Variants in GRB14 observed in about 807,000 individuals in gnomAD.
GRB14 encodes the protein growth factor receptor bound protein 14.
A neutral mutation model predicts 69.1 loss-of-function variants in GRB14; 38 were observed. The ratio of observed to expected loss-of-function variants is 0.55; its 90% confidence interval spans 0.42 to 0.72. The LOEUF (loss-of-function observed/expected upper bound fraction) is 0.72. Ranked by LOEUF, GRB14 falls within the 30% of genes least tolerant of loss-of-function variation. GRB14 has a pLI of 0.00. For synonymous variants in GRB14, 247 were observed against 241.3 expected (o/e 1.02, Z -0.22); for missense variants, 666 against 666.1 (o/e 1.00, Z 0.00).
At chr2:164,593,820 C>G (rs1689723196) in intron 2 of GRB14, among the ~76,000 whole-genome samples, 1 of 151,994 alleles carries the variant, frequency 6.6e-6, no homozygotes, top group South Asian at 2.1e-4. Context: ...GCACAGTTGG[C>G]CACTTGGAAG....
chr2:164,546,214 T>C (rs1688369348), intron 3 of GRB14, among the ~76,000 whole-genome samples: 1 of 152,182 alleles, frequency 6.6e-6, no homozygotes, highest in South Asian at 2.1e-4. Flanking sequence ...GTGGGTAAAT[T>C]ATAAAAATTT....
intron 12 of GRB14, among the ~76,000 whole-genome samples, chr2:164,495,685 G>A (rs532982555): frequency 6.6e-6 from 1 of 152,324 alleles, no homozygotes; most frequent in African/African-American, 2.4e-5. Flanking sequence ...TGTCTGACGA[G>A]TTTATCCATT....
In GRB14 at chr2:164,496,937, G is replaced by A. The variant is rs1233454177; in HGVS notation, c.1382+71C>T. 5.0e-6 allele frequency: 6 copies of A among 1,192,800 alleles called. No homozygotes were observed. The African/African-American group carries it at 7.6e-5, about 15-fold the overall frequency. 73.9% of individuals were successfully genotyped at this position (1,192,800 alleles called of 1,614,324 possible). A position where few individuals can be genotyped will look rare whatever the true frequency, so the allele number is the denominator to read the frequency against. ...CAAATCAAGAACTCTTTGTGGCTAT[G>A]GAATAAATAATTTCTGCTTATAGGA... On this transcript the variant is annotated intron_variant, in intron 12 of 13. Coordinates refer to ENST00000263915, the MANE Select transcript of GRB14 (RefSeq NM_004490.3).
At chr2:164,592,328 G>A (rs1192698534) in intron 2 of GRB14, among the ~76,000 whole-genome samples, 2 of 152,078 alleles carry the variant, frequency 1.3e-5, no homozygotes, top group Non-Finnish European at 2.9e-5. Context: ...TAGAGACAGG[G>A]TTTCACCATG....
intron 12 of GRB14, 64 bp from the exon 13 acceptor site, chr2:164,494,588 A>C: frequency 1.1e-6 from 1 of 894,242 alleles, no homozygotes; most frequent in Admixed American, 1.8e-5. Flanking sequence ...GAACTATAGC[A>C]TTAATAAATC....
In GRB14 at chr2:164,521,991, C is replaced by T; in HGVS notation, c.805G>A (p.Gly269Arg). ...RRSGLYFSTK[G>R]TSKEPRHLQF... is the part of the protein sequence containing the mutation. ...ATACTTCAATTTACCTTTGATGTTC[C>T]TTTAGTAGAAAAATATAAACCAGAT... The change falls in exon 6 of 14, where the codon GGA becomes AGA. Residue 269 changes from glycine (G) to arginine (R), a missense_variant. Physicochemically the swap from Gly to Arg is moderately radical, Grantham distance 125 (BLOSUM62 -2). Coordinates refer to ENST00000263915, the MANE Select transcript of GRB14 (RefSeq NM_004490.3). 4 of 1,600,714 alleles carry T rather than the reference C, an allele frequency of 2.5e-6. No homozygotes were observed. Among genetic ancestry groups the T allele is most frequent in the Non-Finnish European group, 3.4e-6 (4 of 1,171,842 alleles).
At chr2:164,591,308 C>T (rs1689657004) in intron 2 of GRB14, among the ~76,000 whole-genome samples, 1 of 152,136 alleles carries the variant, frequency 6.6e-6, no homozygotes, top group Non-Finnish European at 1.5e-5. Context: ...TTGACCAAAA[C>T]ATTACATTAA....
rs901447640 is a variant in GRB14 at position 164,492,461 on chromosome 2, G to GA, written c.*574dup. Among the ~76,000 whole-genome samples the GA allele has an allele frequency of 1.3e-5, 2 of 151,562 alleles. No individual in the cohort carries two copies. The highest frequency in any genetic ancestry group is 2.9e-5 in the Non-Finnish European group (2 of 67,854). ...TTTAATAATATTTTTAAATTACCTG[G>GA]AAAAAATCAACATATTTCAAAATGG... On this transcript the variant is annotated 3_prime_UTR_variant, in exon 14 of 14. Transcript: ENST00000263915.
chr2:164,504,706 A>C (rs1040419817), intron 8 of GRB14, among the ~76,000 whole-genome samples: 3 of 152,174 alleles, frequency 2.0e-5, no homozygotes, highest in African/African-American at 7.2e-5. Flanking sequence ...TGGATGTGGT[A>C]GGTAGAATAA....
chr2:164,575,421 T>C (rs1281910754), intron 2 of GRB14, among the ~76,000 whole-genome samples: 1 of 152,172 alleles, frequency 6.6e-6, no homozygotes, highest in Non-Finnish European at 1.5e-5. Context: ...CAATCATGTA[T>C]GTGATTATGT....
intron 6 of GRB14, among the ~76,000 whole-genome samples, chr2:164,520,290 AT>A (rs1487828307): frequency 5.3e-5 from 8 of 152,186 alleles, no homozygotes; most frequent in African/African-American, 1.7e-4. Context: ...TGCTGGGATA[AT>A]TGGCAAGTCA....
intron 8 of GRB14, among the ~76,000 whole-genome samples, chr2:164,503,903 A>C (rs1687126787): frequency 6.6e-6 from 1 of 152,038 alleles, no homozygotes; most frequent in Non-Finnish European, 1.5e-5. Context: ...GAAGGTCTTT[A>C]GTAGGCATTT....
At chr2:164,533,183 T>G (rs1054709511) in intron 3 of GRB14, among the ~76,000 whole-genome samples, 3 of 152,014 alleles carry the variant, frequency 2.0e-5, no homozygotes, top group Non-Finnish European at 4.4e-5. Context: ...AAAATTGCTC[T>G]TTCATGCTCC....
At chr2:164,536,540 A>C (rs1488185987) in intron 3 of GRB14, among the ~76,000 whole-genome samples, 2 of 152,196 alleles carry the variant, frequency 1.3e-5, no homozygotes, top group Non-Finnish European at 2.9e-5. Flanking sequence ...CTAACCTTTC[A>C]GTATATTCCT....
intron 12 of GRB14, among the ~76,000 whole-genome samples, chr2:164,496,452 G>GAAAC (rs1358656764): frequency 5.9e-5 from 9 of 152,116 alleles, no homozygotes; most frequent in African/African-American, 9.6e-5. Context: ...GACAACATGA[G>GAAAC]AAACAGTTGA....
intron 9 of GRB14, among the ~76,000 whole-genome samples, chr2:164,498,605 A>G (rs1301551722): frequency 6.6e-6 from 1 of 152,120 alleles, no homozygotes; most frequent in Non-Finnish European, 1.5e-5. Context: ...GAAGAGCAAA[A>G]CCCAAAGTGG....
rs1038387235 is a variant in GRB14, at chr2:164,547,663, C to T, written c.478G>A (p.Val160Ile). 3 of 1,612,840 alleles carry T rather than the reference C, an allele frequency of 1.9e-6. No homozygotes were observed. The highest frequency in any genetic ancestry group is 1.1e-5 in the South Asian group (1 of 90,932). The change falls in exon 3 of 14, where the codon GTA becomes ATA. Residue 160 changes from valine to isoleucine, a missense_variant. Transcript: ENST00000263915. ...GACAATAACTCCGTATCCTTACCTA[C>T]ACCTATGTGAGGCAGGTGCTCAAAA... Reference protein sequence around the residue: ...TLFEHLPHIGVERTIEDHELV... With the variant: ...TLFEHLPHIGIERTIEDHELV...
At chr2:164,607,584 T>G (rs1690070647) in intron 2 of GRB14, among the ~76,000 whole-genome samples, 1 of 152,172 alleles carries the variant, frequency 6.6e-6, no homozygotes, top group Non-Finnish European at 1.5e-5. Context: ...AAAATAATCT[T>G]TAATAATCTG....
intron 2 of GRB14, among the ~76,000 whole-genome samples, chr2:164,558,281 A>C (rs1222190819): frequency 6.6e-6 from 1 of 152,188 alleles, no homozygotes; most frequent in African/African-American, 2.4e-5. Context: ...TGGGGGTTCA[A>C]TTTGACAAAG....
Sources: allele counts gnomAD v4.1 joint callset (sites outside exome capture counted in the v4.1 genomes callset), GRCh38; gene constraint gnomAD v4.1.1; transcripts MANE v1.5; gene names NCBI Gene and HGNC (gene_info 2026-07-23, HGNC 2026-07-21).